The following PCDH15 variants were observed in gnomAD, a reference collection of about 807,000 sequenced individuals.
The protein encoded by PCDH15 is protocadherin related 15.
PCDH15 carries 129 observed loss-of-function variants against 178.5 expected under a neutral mutation model. The observed-to-expected ratio is 0.72, with a 90% CI of 0.63 to 0.84. PCDH15 has a LOEUF of 0.84. Ranked by LOEUF, PCDH15 falls within the 40% of genes least tolerant of loss-of-function variation. The probability of loss-of-function intolerance (pLI) is 0.00; values close to 1 mark genes in which losing one functional copy is unlikely to be tolerated. For missense variants in PCDH15, 2,230 were observed against 2,099.9 expected, an observed-to-expected ratio of 1.06 and a Z score of -1.21; for synonymous variants, 800 against 732.0, an observed-to-expected ratio of 1.09 and a Z score of -1.50.
intron 2 of PCDH15, among the ~76,000 whole-genome samples, chr10:55,066,651 A>G (rs1841571719): frequency 7.4e-6 from 1 of 134,324 alleles, no homozygotes; most frequent in Admixed American, 7.6e-5. Context: ...TGAGTATTTG[A>G]GTTATGTTTC....
At chr10:55,064,526 A>T (rs575290087) in intron 2 of PCDH15, among the ~76,000 whole-genome samples, 140 of 152,168 alleles carry the variant, frequency 9.2e-4, no homozygotes, top group African/African-American at 2.9e-3. Flanking sequence ...AAAAATTGAA[A>T]TCATTGTCAT....
intron 12 of PCDH15, among the ~76,000 whole-genome samples, chr10:54,184,274 T>C (rs898382393): frequency 3.3e-5 from 5 of 152,178 alleles, no homozygotes; most frequent in Admixed American, 2.6e-4. Context: ...GATCTTTTTC[T>C]ATGTAGGCTT....
chr10:54,689,636 G>A (rs376050783), intron 1 of PCDH15, among the ~76,000 whole-genome samples: 14 of 152,150 alleles, frequency 9.2e-5, no homozygotes, highest in South Asian at 8.3e-4. Context: ...ATGAAATAAC[G>A]ACATTAAGTA....
chr10:54,663,062 G>A (rs1371095424), intron 2 of PCDH15, among the ~76,000 whole-genome samples: 1 of 151,834 alleles, frequency 6.6e-6, no homozygotes, highest in Admixed American at 6.6e-5. Flanking sequence ...CTTATGAAAG[G>A]GAATATACTA....
chr10:55,091,426 C>A (rs1842313871), intron 2 of PCDH15, among the ~76,000 whole-genome samples: 1 of 151,482 alleles, frequency 6.6e-6, no homozygotes, highest in South Asian at 2.1e-4. Context: ...TCTTACAATG[C>A]ACTTTTAAAA....
intron 26 of PCDH15, among the ~76,000 whole-genome samples, chr10:53,899,667 A>G (rs2082196583): frequency 6.6e-6 from 1 of 152,164 alleles, no homozygotes; most frequent in Non-Finnish European, 1.5e-5. Context: ...CTCTTTCACA[A>G]TCATGGGCTA....
chr10:55,273,603 A>G (rs1262263467), intron 1 of PCDH15, among the ~76,000 whole-genome samples: 2 of 152,040 alleles, frequency 1.3e-5, no homozygotes, highest in African/African-American at 4.8e-5. Context: ...TACCTAAGTA[A>G]CAAAACAAAT....
chr10:55,047,924 T>A (rs998071663), intron 2 of PCDH15, among the ~76,000 whole-genome samples: 1 of 151,824 alleles, frequency 6.6e-6, no homozygotes, highest in African/African-American at 2.4e-5. Flanking sequence ...GTAAGTGTGT[T>A]GATTGTGTTA....
chr10:54,020,412 T>C lies in PCDH15; in HGVS notation c.2531A>G (p.Lys844Arg), dbSNP rs1400352210. 6.2e-7 allele frequency: 1 copy of C among 1,613,558 alleles called. No homozygotes were observed. The highest frequency in any genetic ancestry group is 1.7e-5 in the Admixed American group (1 of 59,954). The stretch of plus-strand genomic sequence containing the variant: ...CACATTTGCTCCAAGGTCGACATCT[T>C]TGGCCTGTAATAAGCAGAAGAATAG... ...AGTTILQIEA[K>R]DVDLGANVSY... Residue 844 changes from lysine to arginine, a missense_variant, in exon 20 of 38, where the codon AAA (lysine) becomes AGA (arginine). Lys to Arg is a conservative substitution (Grantham distance 26, BLOSUM62 2). Transcript: ENST00000644397.
At chr10:55,451,383 A>G (rs901184561) in intron 2 of PCDH15, among the ~76,000 whole-genome samples, 1 of 152,074 alleles carries the variant, frequency 6.6e-6, no homozygotes, top group Admixed American at 6.6e-5. Context: ...CTGTAGTCCA[A>G]GCTACTCGGG....
intron 2 of PCDH15, among the ~76,000 whole-genome samples, chr10:55,126,804 G>A (rs546522478): frequency 2.0e-5 from 3 of 151,844 alleles, no homozygotes; most frequent in East Asian, 3.9e-4. Context: ...AAAACACAAA[G>A]GACAAACTTT....
At chr10:55,536,867 C>A (rs1589119865) in intron 2 of PCDH15, among the ~76,000 whole-genome samples, 2 of 152,116 alleles carry the variant, frequency 1.3e-5, no homozygotes, top group African/African-American at 4.8e-5. Context: ...ATATCTATTA[C>A]AATTGAGTCC....
chr10:55,334,875 T>C (rs1844338206), intron 2 of PCDH15, among the ~76,000 whole-genome samples: 1 of 152,218 alleles, frequency 6.6e-6, no homozygotes, highest in South Asian at 2.1e-4. Context: ...CAGAGTATGC[T>C]GAATGCTTTA....
At chr10:54,383,342 T>A (rs1029031016) in intron 3 of PCDH15, among the ~76,000 whole-genome samples, 4 of 152,080 alleles carry the variant, frequency 2.6e-5, no homozygotes, top group African/African-American at 9.7e-5. Context: ...TAAAAGGCCA[T>A]TTCTTGCTGG....
chr10:55,496,952 A>G (rs1840548088), intron 2 of PCDH15, among the ~76,000 whole-genome samples: 1 of 151,904 alleles, frequency 6.6e-6, no homozygotes, highest in African/African-American at 2.4e-5. Flanking sequence ...ATGAGTCTCC[A>G]CAAAATAGGC....
At chr10:54,943,789 A>T (rs1838120186) in intron 2 of PCDH15, among the ~76,000 whole-genome samples, 1 of 151,852 alleles carries the variant, frequency 6.6e-6, no homozygotes, top group African/African-American at 2.4e-5. Flanking sequence ...TGATCTTAAA[A>T]AAAGCACGAT....
chr10:54,867,676 T>C (rs1232072551), intron 3 of PCDH15, among the ~76,000 whole-genome samples: 2 of 152,132 alleles, frequency 1.3e-5, no homozygotes, highest in East Asian at 3.8e-4. Flanking sequence ...GATATTTTTA[T>C]ATATTACAAT....
intron 1 of PCDH15, among the ~76,000 whole-genome samples, chr10:54,797,804 A>C (rs1952193974): frequency 6.6e-6 from 1 of 151,700 alleles, no homozygotes; most frequent in Admixed American, 6.6e-5. Context: ...ATGTGTGGGC[A>C]GGGGGGGAGC....
chr10:55,008,369 C>A (rs191952810), intron 2 of PCDH15, among the ~76,000 whole-genome samples: 31 of 152,272 alleles, frequency 2.0e-4, no homozygotes, highest in African/African-American at 6.5e-4. Context: ...CTCTTGAGAT[C>A]AGCTAGATCA....
Sources: gnomAD v4.1 joint callset for allele counts (sites outside exome capture counted in the v4.1 genomes callset) on GRCh38, gnomAD v4.1.1 for gene constraint, MANE v1.5 for transcripts, NCBI Gene and HGNC (gene_info 2026-07-23, HGNC 2026-07-21) for gene names.